Variants in FAM120B observed in about 807,000 individuals in gnomAD.
FAM120B encodes family with sequence similarity 120 member B.
In FAM120B, 83 loss-of-function variants were observed where a neutral mutation model predicts 96.3. The ratio of observed to expected loss-of-function variants is 0.86; its 90% CI spans 0.72 to 1.03. The LOEUF is 1.03. Ranked by LOEUF, FAM120B falls within the 50% of genes least tolerant of loss-of-function variation. The pLI is 0.00. For synonymous variants in FAM120B, 407 were observed against 402.7 expected (o/e 1.01, Z -0.13); for missense variants, 1,027 against 1,121.2 (o/e 0.92, Z 1.20).
upstream of FAM120B, among the ~76,000 whole-genome samples, chr6:170,305,824 T>G (rs1447907293): frequency 6.6e-6 from 1 of 152,216 alleles, no homozygotes; most frequent in African/African-American, 2.4e-5. Context: ...GGAGCCCACC[T>G]GATCTCCTAG....
In FAM120B at chr6:170,352,538, T is replaced by C. The variant is rs186895556; in HGVS notation, c.2190+4215T>C. Among the ~76,000 whole-genome samples, 14 of 152,198 alleles carry C rather than the reference T, an allele frequency of 9.2e-5. 1 individual carries two copies. The East Asian group carries it at 1.9e-3, about 21-fold the overall frequency. ...ATCACATAATCGGAAGTAAAACACA[T>C]CTCAGCAAATGCAGAAGAGCTGAAA... is the stretch of plus-strand genomic sequence containing the variant. On this transcript the variant is annotated intron_variant, in intron 5 of 10. Coordinates refer to ENST00000476287, the MANE Select transcript of FAM120B (RefSeq NM_032448.3).
At chr6:170,314,131 G>C (rs1213395115) in intron 1 of FAM120B, among the ~76,000 whole-genome samples, 1 of 152,216 alleles carries the variant, frequency 6.6e-6, no homozygotes, top group African/African-American at 2.4e-5. Context: ...GGACTGGTCT[G>C]ACTGTCAGGA....
chr6:170,318,053 C>A lies in FAM120B; in HGVS notation c.663C>A (p.Asp221Glu). The change falls in exon 2 of 11, where the codon GAC becomes GAA. Residue 221 changes from aspartate to glutamate, a missense_variant. Asp to Glu is a conservative substitution (Grantham distance 45). Around this residue, in one of 3 missense-constraint regions of FAM120B, gnomAD observed 880 missense variants for 980.9 expected, o/e 0.90. Coordinates refer to ENST00000476287, the MANE Select transcript of FAM120B (RefSeq NM_032448.3). ...LCESLGLCVA[D>E]LPLLACLLGN... ...AGAGTCTGGGCCTCTGTGTGGCCGA[C>A]CTTCCTCTTCTGGCCTGCCTCCTTG... The A allele has an allele frequency of 6.2e-7, 1 of 1,614,106 alleles. No homozygotes were observed. Among genetic ancestry groups the A allele is most frequent in the Non-Finnish European group, 8.5e-7 (1 of 1,179,986 alleles).
chr6:170,319,235 A>G, intron 2 of FAM120B, 111 bp downstream of exon 2: 1 of 1,046,936 alleles, frequency 9.6e-7, no homozygotes, highest in Non-Finnish European at 1.4e-6. Flanking sequence ...AGGATGCACA[A>G]CAGGAGTCTC....
upstream of FAM120B, among the ~76,000 whole-genome samples, chr6:170,301,859 T>C (rs193180842): frequency 2.0e-4 from 30 of 152,308 alleles, no homozygotes; most frequent in Non-Finnish European, 2.8e-4. Flanking sequence ...ATTCAACAAG[T>C]CTCTAAGAAG....
rs1229466865 is a variant in FAM120B, at chr6:170,295,795, T to C, written c.48+342T>C. Among the ~76,000 whole-genome samples the C allele has an allele frequency of 6.6e-6, 1 of 151,500 alleles. No individual in the cohort carries two copies. The highest frequency in any genetic ancestry group is 1.5e-5 in the Non-Finnish European group (1 of 67,844). ...TTCGTGTCGGGGGGTCGTTTTGCGG[T>C]GGGGGGAGTCCGAACCGCGCCACGG... is the stretch of plus-strand genomic sequence containing the variant. On this transcript the variant is annotated intron_variant, in intron 1 of 10. Coordinates refer to the FAM120B transcript ENST00000537664. The surrounding 1 kb of genome is among the most constrained non-coding windows in gnomAD (Gnocchi z 7.8).
intron 6 of FAM120B, among the ~76,000 whole-genome samples, chr6:170,379,743 T>C (rs1348491012): frequency 1.3e-5 from 2 of 152,256 alleles, no homozygotes; most frequent in African/African-American, 4.8e-5. Context: ...ACTGTTGTTC[T>C]AAGAAAGTGT....
Position 170,317,435 on chromosome 6 carries a change from A to G in FAM120B, c.45A>G (p.Pro15=). 1.9e-6 allele frequency: 3 copies of G among 1,613,560 alleles called. No homozygotes were observed. The highest frequency in any genetic ancestry group is 2.2e-5 in the East Asian group (1 of 44,862). ...GLQGFVGSTC[P]HICTVVNFKE... is the part of the protein sequence containing the mutation. Reference sequence around the variant, plus strand: ...AAGGATTTGTGGGAAGTACCTGCCCACATATATGTACAGTAGTAAATTTCA... The same window carrying G: ...AAGGATTTGTGGGAAGTACCTGCCCGCATATATGTACAGTAGTAAATTTCA... Residue 15 remains proline, a synonymous_variant, in exon 2 of 11, where the codon CCA becomes CCG. Coordinates refer to ENST00000476287, the MANE Select transcript of FAM120B (RefSeq NM_032448.3).
intron 4 of FAM120B, among the ~76,000 whole-genome samples, chr6:170,335,034 A>G (rs1786318877): frequency 6.9e-6 from 1 of 144,688 alleles, no homozygotes; most frequent in Non-Finnish European, 1.5e-5. Context: ...GGGTTTTTTG[A>G]GTTTTTTTTT....
At chr6:170,384,207 A>G (rs545418439) in intron 6 of FAM120B, among the ~76,000 whole-genome samples, 2 of 152,286 alleles carry the variant, frequency 1.3e-5, no homozygotes, top group African/African-American at 2.4e-5. Flanking sequence ...CAAACCCACC[A>G]GGTTTTGAAA....
At chr6:170,356,259 A>G (rs972321393) in intron 5 of FAM120B, among the ~76,000 whole-genome samples, 4 of 152,214 alleles carry the variant, frequency 2.6e-5, no homozygotes, top group African/African-American at 9.6e-5. Flanking sequence ...GCATGAGCAG[A>G]CTTGGTAACT....
At chr6:170,383,979 G>A (rs971313439) in intron 6 of FAM120B, among the ~76,000 whole-genome samples, 9 of 152,184 alleles carry the variant, frequency 5.9e-5, no homozygotes, top group Admixed American at 3.3e-4. Context: ...AGTGGCTGAC[G>A]CTTGGAACCA....
chr6:170,334,940 A>G (rs537349547), intron 4 of FAM120B, among the ~76,000 whole-genome samples: 16 of 151,928 alleles, frequency 1.1e-4, no homozygotes, highest in Non-Finnish European at 1.2e-4. Context: ...TGTTTTGTTT[A>G]TATATGAATG....
rs769944678 is a variant in FAM120B at position 170,323,064 on chromosome 6, T to A, written c.1735-15T>A. 6.3e-7 allele frequency: 1 copy of A among 1,590,516 alleles called. No homozygotes were observed. Among genetic ancestry groups the A allele is most frequent in the African/African-American group, 1.4e-5 (1 of 73,964 alleles). ...TTTTTAAGGAGAAATTCAGTTGTAT[T>A]TAAATTTCAAACAGGTTGCTAGAAC... On this transcript the variant is annotated splice_polypyrimidine_tract_variant and intron_variant, in intron 2 of 10. Coordinates refer to ENST00000476287, the MANE Select transcript of FAM120B (RefSeq NM_032448.3).
intron 8 of FAM120B, among the ~76,000 whole-genome samples, chr6:170,392,150 G>C (rs1790514059): frequency 6.6e-6 from 1 of 152,222 alleles, no homozygotes; most frequent in South Asian, 2.1e-4. Context: ...TTCTCCAGCA[G>C]TGAGCAAGAG....
upstream of FAM120B, chr6:170,290,806 G>A (rs1644351547): frequency 1.7e-6 from 1 of 599,896 alleles, no homozygotes; most frequent in Non-Finnish European, 3.0e-6. The surrounding 1 kb of genome is among the most constrained non-coding windows in gnomAD (Gnocchi z 4.7). Flanking sequence ...ATGCCATCCA[G>A]TACACACGCG....
At chr6:170,330,199 A>G (rs1037225964) in intron 3 of FAM120B, among the ~76,000 whole-genome samples, 1 of 152,160 alleles carries the variant, frequency 6.6e-6, no homozygotes, top group African/African-American at 2.4e-5. Flanking sequence ...CTCCCATATT[A>G]TTGTTTACTT....
At chr6:170,360,607 C>T (rs565892604) in intron 6 of FAM120B, among the ~76,000 whole-genome samples, 2 of 152,334 alleles carry the variant, frequency 1.3e-5, no homozygotes, top group East Asian at 3.9e-4. Context: ...CGTATACAAA[C>T]GTAGCAGAGA....
intron 4 of FAM120B, among the ~76,000 whole-genome samples, chr6:170,335,334 T>G (rs2115086413): frequency 6.6e-6 from 1 of 152,300 alleles, no homozygotes; most frequent in South Asian, 2.1e-4. Flanking sequence ...TGTGTTAGTT[T>G]GCTGAGAATT....
Sources: allele counts gnomAD v4.1 joint callset (sites outside exome capture counted in the v4.1 genomes callset), GRCh38; gene constraint gnomAD v4.1.1; regional missense constraint gnomAD v4.1.1; non-coding constraint Gnocchi (gnomAD v3.1); transcripts MANE v1.5; gene names NCBI Gene and HGNC (gene_info 2026-07-23, HGNC 2026-07-21).